The following FRY variants were observed in gnomAD, a reference collection of about 807,000 sequenced individuals.
The protein encoded by FRY is protein furry homolog.
FRY carries 128 observed loss-of-function variants against 348.4 expected under a neutral mutation model. That is an observed-to-expected ratio of 0.37 (90% CI 0.32 to 0.43). The LOEUF is 0.43. FRY is among the 20% of genes least tolerant of loss of function. The pLI is 1.00. For missense variants in FRY, 2,736 were observed against 3,695.2 expected, an observed-to-expected ratio of 0.74 and a Z score of 6.73; for synonymous variants, 1,370 against 1,374.7, an observed-to-expected ratio of 1.00 and a Z score of 0.08.
intron 1 of FRY, among the ~76,000 whole-genome samples, chr13:32,071,127 G>A (rs953754373): frequency 1.1e-4 from 17 of 152,266 alleles, no homozygotes; most frequent in East Asian, 5.8e-4. Flanking sequence ...TTGTAATATA[G>A]TTTGAAGTTA....
rs750583763 is a variant in FRY at position 32,231,238 on chromosome 13, G to C, written c.5465G>C (p.Ser1822Thr). ...ACACCTAAAAATCAAAATTCAAAGAGTGCTGAACAGCTCACTAATTTTCTA... is the reference window on the plus strand; with the variant it reads ...ACACCTAAAAATCAAAATTCAAAGACTGCTGAACAGCTCACTAATTTTCTA... ...DITPKNQNSK[S>T]AEQLTNFLRH... Residue 1822 changes from serine (S) to threonine (T), a missense_variant, in exon 41 of 61, where the codon AGT becomes ACT. Ser to Thr is a moderately conservative substitution (Grantham distance 58, BLOSUM62 1). Coordinates refer to ENST00000542859, the MANE Select transcript of FRY (RefSeq NM_023037.3). The C allele has an allele frequency of 3.7e-6, 6 of 1,612,532 alleles. No homozygotes were observed. The Admixed American group carries it at 6.7e-5, about 18-fold the overall frequency.
At chr13:32,092,100 A>G (rs1311750394) in intron 2 of FRY, among the ~76,000 whole-genome samples, 1 of 152,240 alleles carries the variant, frequency 6.6e-6, no homozygotes, top group African/African-American at 2.4e-5. Context: ...CAGTATATCC[A>G]TGTAACAAAA....
At position 32,173,524 on chromosome 13, in the gene FRY, T is replaced by C; in HGVS notation, c.2309T>C (p.Leu770Ser). 1 of 1,613,698 alleles carries C rather than the reference T, an allele frequency of 6.2e-7. No individual in the cohort carries two copies. Among genetic ancestry groups the C allele is most frequent in the Non-Finnish European group, 8.5e-7 (1 of 1,179,852 alleles). The change falls in exon 19 of 61, where the codon TTG (leucine) becomes TCG (serine). Residue 770 changes from leucine to serine, a missense_variant. Transcript: ENST00000542859. ...SVLILKEIRA[L>S]FIALGQPEDD... ...TTAATACTCAAGGAAATTCGAGCGT[T>C]GTTTATTGCCCTGGGGCAGCCTGAG...
intron 1 of FRY, among the ~76,000 whole-genome samples, chr13:32,038,963 T>A (rs1872650681): frequency 6.6e-6 from 1 of 152,148 alleles, no homozygotes; most frequent in Admixed American, 6.5e-5. Flanking sequence ...TTCCTTTCCT[T>A]CCTTGTTCGA....
At chr13:32,091,955 G>A (rs1876341399) in intron 2 of FRY, among the ~76,000 whole-genome samples, 1 of 152,152 alleles carries the variant, frequency 6.6e-6, no homozygotes, top group South Asian at 2.1e-4. Context: ...ATAATTAAAA[G>A]ACTTTAAAAT....
chr13:32,203,039 A>T (rs1884129640), intron 31 of FRY, among the ~76,000 whole-genome samples: 1 of 152,196 alleles, frequency 6.6e-6, no homozygotes, highest in African/African-American at 2.4e-5. Context: ...TATGAAAGTA[A>T]ATTCTATAAT....
rs1203539006 is a variant in FRY, at chr13:32,272,061, C to CAA, written c.8137-2780_8137-2779insAA. ...CCTCCTATTTTGCTTTTTAATGTTA[C>CAA]ATTTATACTTGAGAACTTTCTCAAC... On this transcript the variant is annotated intron_variant, in intron 55 of 60. Coordinates refer to ENST00000542859, the MANE Select transcript of FRY (RefSeq NM_023037.3). Among the ~76,000 whole-genome samples the CAA allele has an allele frequency of 1.3e-3, 198 of 152,192 alleles. 1 individual carries two copies. The highest frequency in any genetic ancestry group is 7.1e-3 in the South Asian group (34 of 4,812).
intron 60 of FRY, 104 bp downstream of exon 60, chr13:32,294,674 C>T (rs916302121): frequency 1.2e-6 from 1 of 848,694 alleles, no homozygotes; most frequent in African/African-American, 1.7e-5. Context: ...AGATATTTTA[C>T]AGATCTCTTC....
intron 4 of FRY, 119 bp from the exon 5 acceptor site, chr13:32,124,167 A>C: frequency 1.4e-6 from 1 of 702,260 alleles, no homozygotes; most frequent in South Asian, 1.6e-5. Flanking sequence ...CAGTGCAATT[A>C]TATAATTTTA....
chr13:32,049,516 G>A lies in FRY; in HGVS notation c.70+17651G>A, dbSNP rs563469715. 3.4e-3 allele frequency among the ~76,000 whole-genome samples: 519 copies of A among 152,188 alleles called. 2 individuals carry two copies. The highest frequency in any genetic ancestry group is 5.4e-3 in the Non-Finnish European group (364 of 67,990). Reference sequence around the variant, plus strand: ...GTGGCACGATCTCAGCTCACTGCAAGCTCCGCCTCCCGGGTTCACGCCATT... The same window carrying A: ...GTGGCACGATCTCAGCTCACTGCAAACTCCGCCTCCCGGGTTCACGCCATT... On this transcript the variant is annotated intron_variant, in intron 1 of 60. Transcript: ENST00000542859.
At chr13:32,047,812 A>G (rs1873109091) in intron 1 of FRY, among the ~76,000 whole-genome samples, 1 of 152,148 alleles carries the variant, frequency 6.6e-6, no homozygotes, top group African/African-American at 2.4e-5. Context: ...ACCTCAGGTG[A>G]TCTGCCTGCT....
chr13:32,103,972 A>AG (rs893154720), intron 3 of FRY, among the ~76,000 whole-genome samples: 1 of 151,542 alleles, frequency 6.6e-6, no homozygotes, highest in African/African-American at 2.4e-5. Context: ...AAAAAAAAAA[A>AG]TGTACATACT....
chr13:32,052,468 C>T (rs539982301), intron 1 of FRY, among the ~76,000 whole-genome samples: 22 of 152,104 alleles, frequency 1.4e-4, no homozygotes, highest in East Asian at 5.8e-4. Flanking sequence ...TTTGTAATAG[C>T]GACATTAAAA....
intron 40 of FRY, among the ~76,000 whole-genome samples, chr13:32,230,333 T>A (rs1032528091): frequency 8.5e-5 from 13 of 152,228 alleles, no homozygotes; most frequent in South Asian, 2.1e-4. Flanking sequence ...TGGTTGTCTG[T>A]TCCTGCGTTA....
chr13:32,251,243 A>G (rs947927147), intron 49 of FRY, among the ~76,000 whole-genome samples: 2 of 152,218 alleles, frequency 1.3e-5, no homozygotes, highest in African/African-American at 2.4e-5. Context: ...AAGAATCCCT[A>G]TGGTCAAGGG....
Position 32,127,648 on chromosome 13 carries a change from A to G in FRY, c.716+2773A>G, listed in dbSNP as rs375873525. Among the ~76,000 whole-genome samples the G allele has an allele frequency of 4.7e-4, 71 of 152,112 alleles. 2 individuals are homozygous for G. The highest frequency in any genetic ancestry group is 3.7e-3 in the East Asian group (19 of 5,162). On this transcript the variant is annotated intron_variant, in intron 7 of 60. Transcript: ENST00000542859. ...AAAAATATTAGCTGGGAGTGGTGGC[A>G]CGCACCTGTAATCCCAGCTACTCAG...
chr13:32,235,491 G>A (rs1886177031), intron 42 of FRY, among the ~76,000 whole-genome samples: 1 of 152,222 alleles, frequency 6.6e-6, no homozygotes, highest in African/African-American at 2.4e-5. Context: ...AGGCGTGGTA[G>A]CACACGCCTA....
At chr13:32,172,344 T>A (rs1882138665) in intron 18 of FRY, among the ~76,000 whole-genome samples, 1 of 152,152 alleles carries the variant, frequency 6.6e-6, no homozygotes, top group Non-Finnish European at 1.5e-5. Context: ...GATGTAGATA[T>A]GGATGTACAT....
chr13:32,143,431 G>A (rs569695714), intron 11 of FRY, among the ~76,000 whole-genome samples: 158 of 152,128 alleles, frequency 1.0e-3, no homozygotes, highest in Non-Finnish European at 1.9e-3. Context: ...TCTCAAAAAT[G>A]TTCTTAAGAG....
Sources: allele counts gnomAD v4.1 joint callset (sites outside exome capture counted in the v4.1 genomes callset), GRCh38; gene constraint gnomAD v4.1.1; transcripts MANE v1.5; gene names NCBI Gene and HGNC (gene_info 2026-07-23, HGNC 2026-07-21).